The following CD63 variants were observed in gnomAD, a reference collection of about 807,000 sequenced individuals.
CD63 encodes CD63 molecule, also known as CD63 antigen.
In CD63, 16 loss-of-function variants were observed where a neutral mutation model predicts 29.2. That is an observed-to-expected ratio of 0.55 (90% CI 0.37 to 0.83). The LOEUF (loss-of-function observed/expected upper bound fraction) is 0.83. Among genes scored for constraint, CD63 ranks in the 40% least tolerant of loss-of-function variants. The pLI, the probability that CD63 is intolerant of heterozygous loss-of-function variation, is 0.00. For synonymous variants in CD63, 118 were observed against 111.7 expected (o/e 1.06, Z -0.36); for missense variants, 251 against 297.3 (o/e 0.84, Z 1.15).
At chr12:55,724,466 C>T (rs771100082), downstream of CD63, 7 of 1,614,030 alleles carry the variant, frequency 4.3e-6, no homozygotes, top group African/African-American at 6.7e-5. Context: ...CTCTGGCTGC[C>T]TGCCTCCTAC....
downstream of CD63, among the ~76,000 whole-genome samples, chr12:55,725,021 TCTC>T (rs1380496274): frequency 2.6e-5 from 4 of 152,172 alleles, no homozygotes; most frequent in Non-Finnish European, 5.9e-5. Context: ...TCACATAAAT[TCTC>T]CTGCTAAGGA....
In CD63 at chr12:55,726,958, T is replaced by C. The variant is rs967432248; in HGVS notation, c.262A>G (p.Ile88Val). The change falls in exon 4 of 8, where the codon ATC becomes GTC. Residue 88 changes from isoleucine to valine, a missense_variant. By Grantham distance (29) the Ile-to-Val change is conservative (BLOSUM62 3). Transcript: ENST00000257857. ...ACCAACATGATAAGAGACAGAAAGA[T>C]GGCAAACTGCAGGAGCAAAGGACAG... The part of the protein sequence containing the change: ...ENYCLMITFA[I>V]FLSLIMLVEV... 1 of 1,614,026 alleles carries C rather than the reference T, an allele frequency of 6.2e-7. No individual in the cohort carries two copies. Among genetic ancestry groups the C allele is most frequent in the African/African-American group, 1.3e-5 (1 of 75,040 alleles).
Position 55,728,594 on chromosome 12 carries a change from G to T in CD63, c.-11-242C>A. The T allele has an allele frequency of 7.3e-7, 1 of 1,368,912 alleles. No homozygotes were observed. The highest frequency in any genetic ancestry group is 1.5e-5 in the African/African-American group (1 of 66,994). 84.8% of individuals were successfully genotyped at this position (1,368,912 alleles called of 1,614,324 possible). ...CCTCTGGGGCCCAGGACAGATCCAA[G>T]GGCGCCGGCAGGGGCTTGAGCCTGA... On this transcript the variant is annotated intron_variant, in intron 1 of 7. Transcript: ENST00000257857. The surrounding 1 kb of genome is among the most constrained non-coding windows in gnomAD (Gnocchi z 4.8).
At chr12:55,723,912 G>C (rs200846937), downstream of CD63, 2 of 1,614,070 alleles carry the variant, frequency 1.2e-6, no homozygotes, top group Non-Finnish European at 1.7e-6. Context: ...TTTGGGATAC[G>C]AGTCTCCATC....
intron 5 of CD63, 61 bp from the exon 6 acceptor site, chr12:55,726,322 G>A: frequency 1.2e-6 from 1 of 814,110 alleles, no homozygotes; most frequent in Non-Finnish European, 2.0e-6. Context: ...CTTCAATATG[G>A]AGATGAGAAT....
chr12:55,723,948 C>T (rs1374040634), downstream of CD63: 4 of 1,614,016 alleles, frequency 2.5e-6, no homozygotes, highest in Non-Finnish European at 3.4e-6. Flanking sequence ...TTCCGAACCC[C>T]TGTGACCAAC....
chr12:55,726,306 C>CGG, intron 5 of CD63, 45 bp from the exon 6 acceptor site: 1 of 1,162,234 alleles, frequency 8.6e-7, no homozygotes, highest in Non-Finnish European at 1.3e-6. Flanking sequence ...TTAAGTGAAC[C>CGG]TTCACCTTCA....
chr12:55,727,402 G>A (rs959951003), intron 2 of CD63, 63 bp from the exon 3 acceptor site: 1 of 1,470,246 alleles, frequency 6.8e-7, no homozygotes, highest in South Asian at 1.2e-5. Flanking sequence ...CATGGTGGAG[G>A]GCAGGGGGTA....
At chr12:55,726,054 C>T in intron 6 of CD63, 67 bp downstream of exon 6, 1 of 1,573,606 alleles carries the variant, frequency 6.4e-7, no homozygotes, top group South Asian at 1.1e-5. Context: ...CCACCTCCAT[C>T]CTGGGTCTCT....
intron 3 of CD63, 70 bp from the exon 4 acceptor site, chr12:55,727,034 G>T: frequency 6.4e-7 from 1 of 1,572,466 alleles, no homozygotes. Flanking sequence ...GGCACAGCCG[G>T]TCCCTGGACA....
Position 55,726,936 on chromosome 12 carries a change from A to G in CD63, c.284T>C (p.Leu95Ser), listed in dbSNP as rs772236354. 2 of 1,614,118 alleles carry G rather than the reference A, an allele frequency of 1.2e-6. No homozygotes were observed. The highest frequency in any genetic ancestry group is 1.7e-6 in the Non-Finnish European group (2 of 1,179,990). ...AGCAATGGCTGCGGCCACCTCCACC[A>G]ACATGATAAGAGACAGAAAGATGGC... is the stretch of plus-strand genomic sequence containing the variant. ...TFAIFLSLIM[L>S]VEVAAAIAGY... is the part of the protein sequence containing the mutation. The change falls in exon 4 of 8, where the codon TTG becomes TCG. Residue 95 changes from leucine (L) to serine (S), a missense_variant. Physicochemically the swap from Leu to Ser is moderately radical, Grantham distance 145. Coordinates refer to ENST00000257857, the MANE Select transcript of CD63 (RefSeq NM_001780.6).
chr12:55,724,539 C>CT, downstream of CD63: 1 of 1,610,782 alleles, frequency 6.2e-7, no homozygotes, highest in South Asian at 1.1e-5. Context: ...CCCAAGCAGT[C>CT]TACTGAATCC....
chr12:55,729,168 C>A, upstream of CD63: 2 of 981,684 alleles, frequency 2.0e-6, no homozygotes, highest in Non-Finnish European at 2.4e-6. Context: ...GGCCGAGCCC[C>A]CCGCCCGGCC....
chr12:55,724,119 C>A, downstream of CD63: 13 of 1,557,850 alleles, frequency 8.3e-6, no homozygotes, highest in Non-Finnish European at 1.1e-5. Context: ...CCTGCATAAG[C>A]CTGCTAGGAG....
At chr12:55,726,856 CT>C in intron 4 of CD63, 33 bp downstream of exon 4, 1 of 1,609,370 alleles carries the variant, frequency 6.2e-7, no homozygotes, top group Non-Finnish European at 8.5e-7. Context: ...CCAGACCCGG[CT>C]GAGGCAGGCC....
chr12:55,728,154 T>TGGCTTTCTTTCCAC lies in CD63; in HGVS notation c.66+108_66+121dup. 1.0e-6 allele frequency: 1 copy of TGGCTTTCTTTCCAC among 971,614 alleles called. No homozygotes were observed. Among genetic ancestry groups the TGGCTTTCTTTCCAC allele is most frequent in the Non-Finnish European group, 1.6e-6 (1 of 631,242 alleles). 60.2% of individuals were successfully genotyped at this position (971,614 alleles called of 1,614,324 possible). On this transcript the variant is annotated intron_variant, in intron 2 of 7. Transcript: ENST00000257857. This position sits in a 1 kb window ranked among gnomAD's most constrained non-coding sequence, Gnocchi z 4.8. Reference sequence around the variant, plus strand: ...AGGGAGTGGCTGCGCTGTCTTTCCCTGGCTTTCTTTCCACATCTGGTCTCC... The same window carrying TGGCTTTCTTTCCAC: ...AGGGAGTGGCTGCGCTGTCTTTCCCTGGCTTTCTTTCCACGGCTTTCTTTCCACATCTGGTCTCC...
downstream of CD63, chr12:55,725,192 C>G (rs1050688280): frequency 3.9e-5 from 12 of 305,392 alleles, no homozygotes; most frequent in South Asian, 3.0e-4. Flanking sequence ...CAGGTGGGAC[C>G]TTTCTGGGGA....
intron 4 of CD63, 41 bp downstream of exon 4, chr12:55,726,849 G>C (rs1217137957): frequency 1.2e-6 from 2 of 1,609,072 alleles, no homozygotes; most frequent in East Asian, 2.2e-5. Flanking sequence ...CAGGGTCCCA[G>C]ACCCGGCTGA....
chr12:55,726,334 CTTTTTTTTTTTTTTTTT>C, intron 5 of CD63, 73 bp from the exon 6 acceptor site: 1 of 287,244 alleles, frequency 3.5e-6, no homozygotes. Flanking sequence ...GATGAGAATT[CTTTTTTTTTTTTTTTTT>C]TTTTTTTTGA....
Sources: gnomAD v4.1 joint callset for allele counts (sites outside exome capture counted in the v4.1 genomes callset) on GRCh38, gnomAD v4.1.1 for gene constraint, Gnocchi (gnomAD v3.1) non-coding constraint, MANE v1.5 for transcripts, NCBI Gene and HGNC (gene_info 2026-07-23, HGNC 2026-07-21) for gene names.